The following NFIC variants were observed in gnomAD, a reference collection of about 807,000 sequenced individuals.
NFIC encodes the protein nuclear factor I C, also known as nuclear factor 1 C-type.
A neutral mutation model predicts 54.4 loss-of-function variants in NFIC; 12 were observed. That is an observed-to-expected ratio of 0.22 (90% CI 0.14 to 0.36). NFIC has a LOEUF of 0.36. Among genes scored for constraint, NFIC ranks in the 10% least tolerant of loss-of-function variants. The pLI, the probability that NFIC is intolerant of heterozygous loss-of-function variation, is 1.00. For missense variants in NFIC, 575 were observed against 718.2 expected, an observed-to-expected ratio of 0.80 and a Z score of 2.28; for synonymous variants, 322 against 319.2, an observed-to-expected ratio of 1.01 and a Z score of -0.09.
chr19:3,371,234 C>T (rs1021217833), intron 1 of NFIC, among the ~76,000 whole-genome samples: 1 of 152,060 alleles, frequency 6.6e-6, no homozygotes, highest in African/African-American at 2.4e-5. Flanking sequence ...GACCTGCCCC[C>T]ACCCCCGGAC....
intron 1 of NFIC, among the ~76,000 whole-genome samples, chr19:3,371,915 CCTTCCTTCCTTCCTTCCTTCCT>C (rs1599558873): frequency 7.6e-6 from 1 of 131,972 alleles, no homozygotes; most frequent in East Asian, 2.2e-4. Context: ...TTCCTTCCTT[CCTTCCTTCCTTCCTTCCTTCCT>C]TCCCTCCCTC....
chr19:3,438,005 C>T (rs2082232183), intron 6 of NFIC, among the ~76,000 whole-genome samples: 1 of 152,038 alleles, frequency 6.6e-6, no homozygotes, highest in Admixed American at 6.6e-5. Flanking sequence ...CGTGACTTCT[C>T]ATTAACTCTG....
chr19:3,367,987 G>A (rs762076380), intron 1 of NFIC, among the ~76,000 whole-genome samples: 8 of 152,156 alleles, frequency 5.3e-5, no homozygotes, highest in Non-Finnish European at 8.8e-5. Context: ...GGGGGTCTGA[G>A]GTCTGTCCTA....
chr19:3,461,264 A>AG (rs1470433757), intron 10 of NFIC, among the ~76,000 whole-genome samples: 6 of 151,550 alleles, frequency 4.0e-5, no homozygotes, highest in African/African-American at 1.2e-4. Context: ...CTACAAAAAA[A>AG]AAAAAAAAAC....
chr19:3,400,251 G>A (rs1321497759), intron 2 of NFIC, among the ~76,000 whole-genome samples: 3 of 152,096 alleles, frequency 2.0e-5, no homozygotes, highest in African/African-American at 4.8e-5. Flanking sequence ...TGAGGTGGGC[G>A]GATCATGAGG....
At chr19:3,429,693 G>A (rs2082091284) in intron 3 of NFIC, among the ~76,000 whole-genome samples, 1 of 152,006 alleles carries the variant, frequency 6.6e-6, no homozygotes, top group South Asian at 2.1e-4. Context: ...CTGGGGGCCG[G>A]GAGAGGAACT....
chr19:3,414,063 C>G (rs1199256091), intron 2 of NFIC, among the ~76,000 whole-genome samples: 1 of 152,116 alleles, frequency 6.6e-6, no homozygotes, highest in Non-Finnish European at 1.5e-5. Flanking sequence ...GGGTGGCTCT[C>G]TGCAATCTGT....
chr19:3,437,641 A>G (rs1030251220), intron 6 of NFIC, among the ~76,000 whole-genome samples: 4 of 147,760 alleles, frequency 2.7e-5, no homozygotes, highest in Non-Finnish European at 6.0e-5. Flanking sequence ...GTCTCAAAAA[A>G]AAAAAAAGAA....
At chr19:3,401,711 G>A (rs1302500197) in intron 2 of NFIC, among the ~76,000 whole-genome samples, 2 of 136,234 alleles carry the variant, frequency 1.5e-5, no homozygotes, top group African/African-American at 5.3e-5. Context: ...CCACATGGCA[G>A]GGTTATTCTC....
chr19:3,369,452 A>G lies in NFIC; in HGVS notation c.30+2786A>G, dbSNP rs952320367. Among the ~76,000 whole-genome samples the G allele has an allele frequency of 3.3e-5, 5 of 149,394 alleles. No homozygotes were observed. The highest frequency in any genetic ancestry group is 3.3e-4 in the Admixed American group (5 of 15,058). ...CAGCTAATTTTACAACCTGAGCCCA[A>G]CCGAAAATAGCTCCCTTTTAGCTGA... On this transcript the variant is annotated intron_variant, in intron 1 of 10. Transcript: ENST00000443272. This position sits in a 1 kb window ranked among gnomAD's most constrained non-coding sequence, Gnocchi z 4.3.
chr19:3,446,419 C>T (rs2145666703), intron 6 of NFIC, among the ~76,000 whole-genome samples: 1 of 152,228 alleles, frequency 6.6e-6, no homozygotes, highest in Middle Eastern at 3.4e-3. Flanking sequence ...TGGGTGGTGG[C>T]CAGGGACTCT....
Position 3,452,463 on chromosome 19 carries a change from C to T in NFIC, c.1085-19C>T, listed in dbSNP as rs534260101. The T allele has an allele frequency of 5.0e-6, 8 of 1,609,324 alleles. No homozygotes were observed. In the African/African-American group the frequency reaches 6.7e-5, roughly 13 times the overall value. On this transcript the variant is annotated intron_variant, in intron 7 of 10. Transcript: ENST00000443272. This position sits in a 1 kb window ranked among gnomAD's most constrained non-coding sequence, Gnocchi z 5.3. ...GGCTGGAGCCCCCAAGTAACCCCCGCTTCCCACTGTCTCCGCAGGGATCGC... is the reference window on the plus strand; with the variant it reads ...GGCTGGAGCCCCCAAGTAACCCCCGTTTCCCACTGTCTCCGCAGGGATCGC...
Position 3,437,740 on chromosome 19 carries a change from A to T in NFIC, c.958+2533A>T, listed in dbSNP as rs574918376. 8.8e-5 allele frequency among the ~76,000 whole-genome samples: 13 copies of T among 147,696 alleles called. 2 individuals carry two copies. The highest frequency in any genetic ancestry group is 3.3e-4 in the African/African-American group (13 of 39,908). ...GTTTCGCTCTTATCACCCAGGCTGGAGTGCAGTGGTGCAATCTCGGCTCCA... is the reference window on the plus strand; with the variant it reads ...GTTTCGCTCTTATCACCCAGGCTGGTGTGCAGTGGTGCAATCTCGGCTCCA... On this transcript the variant is annotated intron_variant, in intron 6 of 10. Coordinates refer to ENST00000443272, the MANE Select transcript of NFIC (RefSeq NM_001245002.2).
chr19:3,385,056 C>G (rs1049705403), intron 2 of NFIC, among the ~76,000 whole-genome samples: 3 of 139,496 alleles, frequency 2.2e-5, no homozygotes, highest in Admixed American at 1.5e-4. Context: ...AGCAGGCAGG[C>G]CTGTGCCCCA....
At chr19:3,409,879 A>C (rs1051141983) in intron 2 of NFIC, among the ~76,000 whole-genome samples, 2 of 152,176 alleles carry the variant, frequency 1.3e-5, no homozygotes, top group African/African-American at 2.4e-5. Context: ...AAGTCAAGAG[A>C]CCTGGCTCCC....
chr19:3,402,388 T>C (rs1430223313), intron 2 of NFIC, among the ~76,000 whole-genome samples: 1 of 152,182 alleles, frequency 6.6e-6, no homozygotes, highest in East Asian at 1.9e-4. Context: ...CACTCCCCCA[T>C]GTACCATGTC....
In NFIC at chr19:3,421,185, C is replaced by T. The variant is rs569867567; in HGVS notation, c.563-3921C>T. Among the ~76,000 whole-genome samples, 3 of 152,376 alleles carry T rather than the reference C, an allele frequency of 2.0e-5. No individual in the cohort carries two copies. In the South Asian group the frequency reaches 6.2e-4, roughly 32 times the overall value. On this transcript the variant is annotated intron_variant, in intron 2 of 10. Transcript: ENST00000443272. ...GCTCATGCTGGGAGCCACCGTGGGGCCTGACACTTAGTAGGTGCCCAAGAA... is the reference window on the plus strand; with the variant it reads ...GCTCATGCTGGGAGCCACCGTGGGGTCTGACACTTAGTAGGTGCCCAAGAA...
At chr19:3,433,479 C>G in intron 3 of NFIC, 39 bp from the exon 4 acceptor site, 2 of 1,608,654 alleles carry the variant, frequency 1.2e-6, no homozygotes, top group Non-Finnish European at 1.7e-6. Context: ...GGAAACAGGC[C>G]CAGCTCAGCC....
intron 6 of NFIC, among the ~76,000 whole-genome samples, chr19:3,446,818 GCC>G (rs1180098839): frequency 3.3e-5 from 5 of 152,012 alleles, no homozygotes; most frequent in African/African-American, 7.2e-5. Flanking sequence ...GATCCCTTGA[GCC>G]CAGGAGTTTG....
Sources: allele counts gnomAD v4.1 joint callset (sites outside exome capture counted in the v4.1 genomes callset), GRCh38; gene constraint gnomAD v4.1.1; non-coding constraint Gnocchi (gnomAD v3.1); transcripts MANE v1.5; gene names NCBI Gene and HGNC (gene_info 2026-07-23, HGNC 2026-07-21).